LOX: variants seen among roughly 807,000 people sequenced by gnomAD.
The protein encoded by LOX is protein-lysine 6-oxidase.
LOX carries 12 observed loss-of-function variants against 50.5 expected under a neutral mutation model. That is an observed-to-expected ratio of 0.24 (90% confidence interval 0.15 to 0.38). LOX has a LOEUF of 0.38. Among genes scored for constraint, LOX ranks in the 10% least tolerant of loss-of-function variants. The pLI, the probability that LOX is intolerant of heterozygous loss-of-function variation, is 1.00. For synonymous variants in LOX, 254 were observed against 230.6 expected (o/e 1.10, Z -0.92); for missense variants, 504 against 563.8 (o/e 0.89, Z 1.07).
intron 2 of LOX, among the ~76,000 whole-genome samples, chr5:122,076,245 T>C (rs1237119473): frequency 6.6e-6 from 1 of 152,228 alleles, no homozygotes; most frequent in Non-Finnish European, 1.5e-5. Context: ...GTCTATATGT[T>C]CAGGTGGTAT....
chr5:122,073,641 A>C (rs539364913), intron 4 of LOX, among the ~76,000 whole-genome samples: 1 of 152,324 alleles, frequency 6.6e-6, no homozygotes, highest in Admixed American at 6.5e-5. Context: ...TTCAGAGAGT[A>C]AATTTTTGTT....
At position 122,065,712 on chromosome 5, in the gene LOX, T is replaced by G. The variant is rs972217392; in HGVS notation, c.*1031A>C. ...ACATTCCTCTAATAGCTGAACATCT[T>G]TTTAAAATCTAGAAAACTTGAAAAA... On this transcript the variant is annotated 3_prime_UTR_variant, in exon 7 of 7. Transcript: ENST00000231004. The G allele has an allele frequency of 2.0e-5, 3 of 152,102 alleles. No homozygotes were observed. Among genetic ancestry groups the G allele is most frequent in the Admixed American group, 1.3e-4 (2 of 15,250 alleles). 9.4% of individuals were successfully genotyped at this position (152,102 alleles called of 1,614,324 possible).
At position 122,064,743 on chromosome 5, in the gene LOX, T is replaced by C. The variant is rs1754253811; in HGVS notation, c.*2000A>G. 1 of 151,938 alleles carries C rather than the reference T, an allele frequency of 6.6e-6. No homozygotes were observed. The highest frequency in any genetic ancestry group is 2.1e-4 in the South Asian group (1 of 4,826). 9.4% of individuals were successfully genotyped at this position (151,938 alleles called of 1,614,324 possible). ...CTTTTTTATGTCTCAATGCATACCA[T>C]GTGAGTACTTGGCATATATTAGGCC... On this transcript the variant is annotated 3_prime_UTR_variant, in exon 7 of 7. Transcript: ENST00000231004.
In LOX at chr5:122,076,886, C is replaced by T. The variant is rs778223208; in HGVS notation, c.740+7G>A. 2.1e-5 allele frequency: 34 copies of T among 1,613,632 alleles called. No homozygotes were observed. The highest frequency in any genetic ancestry group is 2.7e-5 in the Non-Finnish European group (32 of 1,179,794). On this transcript the variant is annotated splice_region_variant and intron_variant, in intron 2 of 6. Coordinates refer to ENST00000231004, the MANE Select transcript of LOX (RefSeq NM_002317.7). Reference sequence around the variant, plus strand: ...GGGAGCGGGGCCTCAGACATATCAGCCCGTACCTGGCCAGACAGTTTTCCT... The same window carrying T: ...GGGAGCGGGGCCTCAGACATATCAGTCCGTACCTGGCCAGACAGTTTTCCT...
chr5:122,076,779 C>T (rs1346265883), intron 2 of LOX, 114 bp downstream of exon 2: 1 of 846,746 alleles, frequency 1.2e-6, no homozygotes, highest in Non-Finnish European at 1.9e-6. Context: ...CTTCCCAGCT[C>T]TTGTCCCACT....
In LOX at chr5:122,076,952, G is replaced by T. The variant is rs1754655630; in HGVS notation, c.681C>A (p.Tyr227Ter). 1 of 1,614,016 alleles carries T rather than the reference G, an allele frequency of 6.2e-7. No homozygotes were observed. Among genetic ancestry groups the T allele is most frequent in the Non-Finnish European group, 8.5e-7 (1 of 1,180,018 alleles). ...ADPYYIQASTYVQKMSMYNLR... is the reference protein window; with the variant it reads ...ADPYYIQAST ...GGTTGTACATGGACATCTTCTGCAC[G>T]TACGTGGACGCCTGGATGTAGTAGG... Residue 227 changes from tyrosine to a stop codon, truncating the protein, a stop_gained, in exon 2 of 7, where the codon TAC becomes TAA. Transcript: ENST00000231004. LOFTEE classifies it high-confidence loss of function.
chr5:122,073,639 G>A (rs1039681973), intron 4 of LOX, among the ~76,000 whole-genome samples: 64 of 152,152 alleles, frequency 4.2e-4, no homozygotes, highest in African/African-American at 1.5e-3. Flanking sequence ...TTTTCAGAGA[G>A]TAAATTTTTG....
Position 122,074,106 on chromosome 5 carries a change from T to G in LOX, c.942A>C (p.Arg314Ser). The change falls in exon 4 of 7, where the codon AGA becomes AGC. Residue 314 changes from arginine (R) to serine (S), a missense_variant. Physicochemically the swap from Arg to Ser is moderately radical, Grantham distance 110. This residue lies in a region of LOX where 106 missense variants were observed against 198.1 expected (regional missense o/e 0.54). Coordinates refer to ENST00000231004, the MANE Select transcript of LOX (RefSeq NM_002317.7). ...AACTTGCTTTGTGGCCTTCAGCCAC[T>G]CTCCTCTGGGTGTTGGCATCAAGCA... The part of the protein sequence containing the change: ...YDLLDANTQR[R>S]VAEGHKASFC... 6.2e-7 allele frequency: 1 copy of G among 1,613,962 alleles called. No individual in the cohort carries two copies. Among genetic ancestry groups the G allele is most frequent in the African/African-American group, 1.3e-5 (1 of 75,022 alleles).
At chr5:122,069,515 T>A (rs1301200173) in intron 6 of LOX, among the ~76,000 whole-genome samples, 1 of 152,114 alleles carries the variant, frequency 6.6e-6, no homozygotes, top group Non-Finnish European at 1.5e-5. Context: ...AGGAATATTA[T>A]GAAGAAACCT....
In LOX at chr5:122,075,412, A is replaced by G; in HGVS notation, c.870T>C (p.Ser290=). ...GAGGCCCATTTACTTACTGATGACA[A>G]CTGTGCCATTCCCAGGAATATCTTG... ...SRPRYSWEWH[S]CHQHYHSMDE... Residue 290 remains serine, a synonymous_variant, in exon 3 of 7, where the codon AGT becomes AGC. Transcript: ENST00000231004. The G allele has an allele frequency of 6.2e-7, 1 of 1,611,748 alleles. No homozygotes were observed. Among genetic ancestry groups the G allele is most frequent in the Non-Finnish European group, 8.5e-7 (1 of 1,179,214 alleles).
chr5:122,069,429 T>C (rs2152586689), intron 6 of LOX, among the ~76,000 whole-genome samples: 1 of 152,262 alleles, frequency 6.6e-6, no homozygotes, highest in East Asian at 1.9e-4. Context: ...CCAACCTTTT[T>C]TCATTATTTT....
At chr5:122,071,783 C>G (rs1351941217) in intron 4 of LOX, among the ~76,000 whole-genome samples, 1 of 152,124 alleles carries the variant, frequency 6.6e-6, no homozygotes, top group African/African-American at 2.4e-5. Context: ...ACTTTGGTCA[C>G]CCAAGAGACA....
At position 122,077,579 on chromosome 5, in the gene LOX, T is replaced by A; in HGVS notation, c.407A>T (p.Glu136Val). Residue 136 changes from glutamate to valine, a missense_variant, in exon 1 of 7, where the codon GAA becomes GTA. Physicochemically the swap from Glu to Val is moderately radical, Grantham distance 121. Transcript: ENST00000231004. The surrounding 1 kb of genome is among the most constrained non-coding windows in gnomAD (Gnocchi z 4.9). ...QAGYSTSRAREAGASRAENQT... is the reference protein window; with the variant it reads ...QAGYSTSRARVAGASRAENQT... The stretch of plus-strand genomic sequence containing the variant: ...GTTCTCCGCGCGCGAGGCGCCAGCT[T>A]CGCGGGCTCTAGATGTCGAGTAGCC... The A allele has an allele frequency of 6.2e-7, 1 of 1,612,794 alleles. No individual in the cohort carries two copies. Among genetic ancestry groups the A allele is most frequent in the Non-Finnish European group, 8.5e-7 (1 of 1,179,814 alleles).
Position 122,077,216 on chromosome 5 carries a change from G to C in LOX, c.631+139C>G. The C allele has an allele frequency of 2.0e-6, 3 of 1,490,132 alleles. No homozygotes were observed. Among genetic ancestry groups the C allele is most frequent in the African/African-American group, 1.4e-5 (1 of 71,898 alleles). The allele number at this position is 1,490,132 out of a possible 1,614,324, so 92.3% of individuals were successfully genotyped here. A position where few individuals can be genotyped will look rare whatever the true frequency, so the allele number is the denominator to read the frequency against. ...GACGCGCGGTTTGCACTGGATTCCAGGGCTGCCACTGCAGGCGCGTGGGGG... is the reference window on the plus strand; with the variant it reads ...GACGCGCGGTTTGCACTGGATTCCACGGCTGCCACTGCAGGCGCGTGGGGG... On this transcript the variant is annotated intron_variant, in intron 1 of 6. Coordinates refer to ENST00000231004, the MANE Select transcript of LOX (RefSeq NM_002317.7). This position sits in a 1 kb window ranked among gnomAD's most constrained non-coding sequence, Gnocchi z 4.9.
At chr5:122,070,398 T>G (rs1754415518) in intron 5 of LOX, 96 bp downstream of exon 5, 1 of 706,912 alleles carries the variant, frequency 1.4e-6, no homozygotes, top group South Asian at 1.8e-5. Context: ...GATGTATAAT[T>G]GCTTCCAATA....
Position 122,064,258 on chromosome 5 carries a change from C to G in LOX, c.*2485G>C, listed in dbSNP as rs547383975. ...TTTATTAATTGATAACCTTCATCAACTAATTATTATCTTTGAGTTTCGGCA... is the reference window on the plus strand; with the variant it reads ...TTTATTAATTGATAACCTTCATCAAGTAATTATTATCTTTGAGTTTCGGCA... On this transcript the variant is annotated 3_prime_UTR_variant, in exon 7 of 7. Coordinates refer to ENST00000231004, the MANE Select transcript of LOX (RefSeq NM_002317.7). 2.6e-5 allele frequency: 4 copies of G among 151,924 alleles called. No homozygotes were observed. Among genetic ancestry groups the G allele is most frequent in the African/African-American group, 9.6e-5 (4 of 41,478 alleles). The allele number at this position is 151,924 out of a possible 1,614,324, so 9.4% of individuals were successfully genotyped here.
At chr5:122,070,241 T>C (rs1754411283) in intron 5 of LOX, 73 bp from the exon 6 acceptor site, 1 of 878,730 alleles carries the variant, frequency 1.1e-6, no homozygotes, top group Non-Finnish European at 1.9e-6. Context: ...TAATGAGGAC[T>C]TAGCTAAATC....
rs544316639 is a variant in LOX, at chr5:122,075,677, C to T, written c.741-136G>A. 348 of 553,390 alleles carry T rather than the reference C, an allele frequency of 6.3e-4. 2 individuals carry two copies. The highest frequency in any genetic ancestry group is 6.0e-3 in the African/African-American group (314 of 52,536). The allele number at this position is 553,390 out of a possible 1,614,324, so 34.3% of individuals were successfully genotyped here. ...GACTATCAGTTCCAAGAGTCTAAGG[C>T]ATTTTGTTTCTTTTTGTTCATTGCT... On this transcript the variant is annotated intron_variant, in intron 2 of 6. Transcript: ENST00000231004.
intron 2 of LOX, 115 bp downstream of exon 2, chr5:122,076,778 T>C: frequency 2.4e-6 from 2 of 837,564 alleles, no homozygotes; most frequent in Admixed American, 2.1e-5. Context: ...ACTTCCCAGC[T>C]CTTGTCCCAC....
Sources: allele counts gnomAD v4.1 joint callset (sites outside exome capture counted in the v4.1 genomes callset), GRCh38; gene constraint gnomAD v4.1.1; regional missense constraint gnomAD v4.1.1; non-coding constraint Gnocchi (gnomAD v3.1); transcripts MANE v1.5; gene names NCBI Gene and HGNC (gene_info 2026-07-23, HGNC 2026-07-21).